PRKN: variants seen among roughly 807,000 people sequenced by gnomAD.
PRKN encodes the protein parkin RBR E3 ubiquitin protein ligase.
A neutral mutation model predicts 59.5 loss-of-function variants in PRKN; 56 were observed. That is an observed-to-expected ratio of 0.94 (90% CI 0.76 to 1.18). The LOEUF is 1.18. Among genes scored for constraint, PRKN ranks in the 50% most tolerant of loss-of-function variants. The pLI is 0.00. For synonymous variants in PRKN, 250 were observed against 222.1 expected (o/e 1.13, Z -1.12); for missense variants, 657 against 596.4 (o/e 1.10, Z -1.06).
At chr6:162,142,014 T>G (rs942030790) in intron 4 of PRKN, among the ~76,000 whole-genome samples, 7 of 152,204 alleles carry the variant, frequency 4.6e-5, no homozygotes, top group African/African-American at 1.2e-4. Flanking sequence ...TCATATTAAA[T>G]GCCAAGAGTA....
intron 1 of PRKN, among the ~76,000 whole-genome samples, chr6:162,534,700 C>A (rs905298319): frequency 3.9e-5 from 6 of 152,168 alleles, no homozygotes; most frequent in Admixed American, 6.5e-5. Context: ...CTTTCCCGAG[C>A]CACTTTCTGG....
Position 161,584,915 on chromosome 6 carries a change from A to G in PRKN, c.872-15499T>C, listed in dbSNP as rs1781468862. Among the ~76,000 whole-genome samples, 1 of 152,238 alleles carries G rather than the reference A, an allele frequency of 6.6e-6. No individual in the cohort carries two copies. The highest frequency in any genetic ancestry group is 2.4e-5 in the African/African-American group (1 of 41,460). On this transcript the variant is annotated intron_variant, in intron 7 of 11. Transcript: ENST00000366898. This position sits in a 1 kb window ranked among gnomAD's most constrained non-coding sequence, Gnocchi z 4.8. The stretch of plus-strand genomic sequence containing the variant: ...GGCTGCCGGGATGGCTGTATTAGCA[A>G]TGCAGTGCTATTTCATAAAGAATGC...
intron 2 of PRKN, among the ~76,000 whole-genome samples, chr6:162,396,754 G>GCA (rs143119705): frequency 2.0e-5 from 3 of 151,826 alleles, no homozygotes; most frequent in East Asian, 1.9e-4. Flanking sequence ...ATATGCACAT[G>GCA]CACACACACA....
rs151102049 is a variant in PRKN, at chr6:162,304,987, T to C, written c.172-42222A>G. Reference sequence around the variant, plus strand: ...ACTCCCAACCCATCTATAGGTCACATTCAGCTGCTGAGGACATTGTGAGAC... The same window carrying C: ...ACTCCCAACCCATCTATAGGTCACACTCAGCTGCTGAGGACATTGTGAGAC... On this transcript the variant is annotated intron_variant, in intron 2 of 11. Transcript: ENST00000366898. Among the ~76,000 whole-genome samples the C allele has an allele frequency of 1.2e-3, 177 of 152,298 alleles. 1 individual carries two copies. The highest frequency in any genetic ancestry group is 4.2e-3 in the African/African-American group (173 of 41,562).
At chr6:161,627,250 T>C (rs2128153047) in intron 7 of PRKN, among the ~76,000 whole-genome samples, 1 of 152,346 alleles carries the variant, frequency 6.6e-6, no homozygotes, top group South Asian at 2.1e-4. Context: ...TACTATTATG[T>C]GATCTAATAA....
intron 2 of PRKN, among the ~76,000 whole-genome samples, chr6:162,295,086 T>C (rs568464702): frequency 1.1e-4 from 16 of 152,318 alleles, no homozygotes; most frequent in African/African-American, 3.6e-4. Flanking sequence ...ACTAGGCAAG[T>C]TGTATTTCAG....
At chr6:161,852,361 G>A (rs962935590) in intron 6 of PRKN, among the ~76,000 whole-genome samples, 3 of 152,166 alleles carry the variant, frequency 2.0e-5, no homozygotes, top group Admixed American at 6.5e-5. Context: ...TTGGAGGCGG[G>A]AGGATCACTT....
At chr6:162,433,653 T>C (rs1016659445) in intron 2 of PRKN, among the ~76,000 whole-genome samples, 5 of 152,280 alleles carry the variant, frequency 3.3e-5, no homozygotes, top group Middle Eastern at 6.8e-3. Flanking sequence ...AAGTTCTTAG[T>C]GTCCAAGGTT....
chr6:162,165,917 G>A (rs113975546), intron 4 of PRKN, among the ~76,000 whole-genome samples: 16,674 of 151,628 alleles, frequency 0.11, 1,430 homozygotes, highest in African/African-American at 0.24. Flanking sequence ...GTGTGGTGGT[G>A]GGCACCTGTA....
chr6:161,736,263 G>A (rs1787959404), intron 7 of PRKN, among the ~76,000 whole-genome samples: 1 of 152,216 alleles, frequency 6.6e-6, no homozygotes, highest in African/African-American at 2.4e-5. Flanking sequence ...AGACTTCTGT[G>A]GAGATCCTCC....
intron 10 of PRKN, among the ~76,000 whole-genome samples, chr6:161,374,276 GTGTA>G (rs1343220596): frequency 5.9e-5 from 9 of 151,894 alleles, no homozygotes; most frequent in Admixed American, 2.0e-4. Context: ...TGTGTGTGGT[GTGTA>G]TGTATGTGTG....
chr6:161,747,960 T>C (rs1228747832), intron 7 of PRKN, among the ~76,000 whole-genome samples: 2 of 152,176 alleles, frequency 1.3e-5, no homozygotes. Context: ...TGAGGTGGAT[T>C]ATGTGGATTT....
intron 6 of PRKN, among the ~76,000 whole-genome samples, chr6:161,819,430 G>C (rs1302651547): frequency 6.6e-6 from 1 of 152,160 alleles, no homozygotes; most frequent in East Asian, 1.9e-4. Context: ...GGCGGAGGTT[G>C]CAGTGAGCTG....
At chr6:161,511,310 C>T (rs539557565) in intron 9 of PRKN, among the ~76,000 whole-genome samples, 1 of 152,094 alleles carries the variant, frequency 6.6e-6, no homozygotes, top group Non-Finnish European at 1.5e-5. Context: ...ATCTAGATTG[C>T]TGCTACATAT....
At chr6:161,757,070 A>G (rs980091286) in intron 7 of PRKN, among the ~76,000 whole-genome samples, 1 of 152,222 alleles carries the variant, frequency 6.6e-6, no homozygotes, top group Non-Finnish European at 1.5e-5. Context: ...CCTAACTTGT[A>G]TCATACACAA....
At chr6:161,827,509 C>CTTTTTTTTTT (rs5881438) in intron 6 of PRKN, among the ~76,000 whole-genome samples, 2 of 124,920 alleles carry the variant, frequency 1.6e-5, no homozygotes, top group African/African-American at 3.1e-5. Context: ...ATTGATTTTA[C>CTTTTTTTTTT]TTTTTTTTTT....
At position 161,386,994 on chromosome 6, in the gene PRKN, A is replaced by G. The variant is rs1786283979; in HGVS notation, c.1084-117T>C. 1.2e-6 allele frequency: 1 copy of G among 831,082 alleles called. No individual in the cohort carries two copies. Among genetic ancestry groups the G allele is most frequent in the Non-Finnish European group, 2.1e-6 (1 of 481,404 alleles). The allele number at this position is 831,082 out of a possible 1,614,324, so 51.5% of individuals were successfully genotyped here. A position where few individuals can be genotyped will look rare whatever the true frequency, so the allele number is the denominator to read the frequency against. ...CTCTGGCTTGTGCAACAGTTTCTGT[A>G]TAAAAATACTTTTTTTGCAAAGAGA... On this transcript the variant is annotated intron_variant, in intron 9 of 11. Transcript: ENST00000366898. This position sits in a 1 kb window ranked among gnomAD's most constrained non-coding sequence, Gnocchi z 4.3.
chr6:161,491,711 AC>A (rs1445169723), intron 9 of PRKN, among the ~76,000 whole-genome samples: 2 of 151,816 alleles, frequency 1.3e-5, no homozygotes, highest in Non-Finnish European at 2.9e-5. Flanking sequence ...GCTCACTGGA[AC>A]CTCTGCCTCC....
At chr6:161,672,813 A>C (rs1409516825) in intron 7 of PRKN, among the ~76,000 whole-genome samples, 1 of 152,194 alleles carries the variant, frequency 6.6e-6, no homozygotes, top group African/African-American at 2.4e-5. Flanking sequence ...AATACGATGA[A>C]ATAAGGCCTT....
Sources: gnomAD v4.1 joint callset for allele counts (sites outside exome capture counted in the v4.1 genomes callset) on GRCh38, gnomAD v4.1.1 for gene constraint, Gnocchi (gnomAD v3.1) non-coding constraint, MANE v1.5 for transcripts, NCBI Gene and HGNC (gene_info 2026-07-23, HGNC 2026-07-21) for gene names.